Variants in KLHL13 observed in about 807,000 individuals in gnomAD.
KLHL13 encodes kelch like family member 13, also known as kelch-like protein 13.
KLHL13 carries 10 observed loss-of-function variants against 37.1 expected under a neutral mutation model. The observed-to-expected ratio is 0.27, with a 90% CI of 0.17 to 0.46. The LOEUF (loss-of-function observed/expected upper bound fraction) is 0.46, where lower values mean the gene tolerates loss of function less well. Ranked by LOEUF, KLHL13 falls within the 20% of genes least tolerant of loss-of-function variation. The pLI, the probability that KLHL13 is intolerant of heterozygous loss-of-function variation, is 1.00. For missense variants in KLHL13, 360 were observed against 509.3 expected (o/e 0.71, Z 2.82); for synonymous variants, 163 against 181.2 (o/e 0.90, Z 0.81).
At position 118,049,782 on chromosome X, in the gene KLHL13, A is replaced by G. The variant is rs780849616; in HGVS notation, c.-56+66726T>C. Among the ~76,000 whole-genome samples, 10 of 111,861 alleles carry G rather than the reference A, an allele frequency of 8.9e-5. No homozygotes were observed. In the East Asian group the frequency reaches 2.3e-3, roughly 25 times the overall value. On this transcript the variant is annotated intron_variant, in intron 1 of 6. Coordinates refer to the KLHL13 transcript ENST00000371882. ...TATGCTACAACTAGGGGGTCCAGAG[A>G]GGTATGTTCACAGCTACTTTTAGGT...
chrX:118,002,021 G>A (rs777510208), intron 1 of KLHL13, among the ~76,000 whole-genome samples: 5 of 110,959 alleles, frequency 4.5e-5, no homozygotes, highest in Non-Finnish European at 5.7e-5. Context: ...AATTCTATCC[G>A]AACAGATACT....
intron 1 of KLHL13, among the ~76,000 whole-genome samples, chrX:118,045,703 G>A (rs780966659): frequency 9.0e-6 from 1 of 110,816 alleles, no homozygotes; most frequent in South Asian, 3.9e-4. Flanking sequence ...CAGCTACTCA[G>A]GAAGCTGACA....
intron 1 of KLHL13, chrX:117,983,600 T>C: frequency 2.5e-6 from 2 of 785,421 alleles, no homozygotes; most frequent in South Asian, 2.4e-5. Context: ...TTATATTTAG[T>C]TCAAATTTTT....
intron 1 of KLHL13, among the ~76,000 whole-genome samples, chrX:118,032,922 G>C (rs1010567117): frequency 2.7e-5 from 3 of 111,792 alleles, no homozygotes; most frequent in Non-Finnish European, 3.8e-5. Context: ...GAAAACCAAG[G>C]CTTGAGAACT....
chrX:118,016,331 T>A (rs974088004), intron 1 of KLHL13, among the ~76,000 whole-genome samples: 34 of 111,335 alleles, frequency 3.1e-4, no homozygotes, highest in African/African-American at 8.5e-4. Flanking sequence ...AGTACAAAAG[T>A]CTGGGCTTAT....
At chrX:118,073,030 G>T (rs1433534595) in intron 1 of KLHL13, among the ~76,000 whole-genome samples, 1 of 108,834 alleles carries the variant, frequency 9.2e-6, no homozygotes, top group Non-Finnish European at 1.9e-5. Context: ...GGAGGTCAAG[G>T]CTTCAGCGAA....
rs1201005678 is a variant in KLHL13 at position 118,025,182 on chromosome X, A to G, written c.-55-79607T>C. Among the ~76,000 whole-genome samples the G allele has an allele frequency of 2.7e-5, 3 of 111,526 alleles. No individual in the cohort carries two copies. In the Admixed American group the frequency reaches 2.9e-4, roughly 11 times the overall value. On this transcript the variant is annotated intron_variant, in intron 1 of 6. Transcript: ENST00000371882. Reference sequence around the variant, plus strand: ...CTGTATCTGTGAGCAAGTCTGTTTTACAGCCCCTAAGCTGAATATTCCACC... The same window carrying G: ...CTGTATCTGTGAGCAAGTCTGTTTTGCAGCCCCTAAGCTGAATATTCCACC...
Position 118,008,694 on chromosome X carries a change from T to C in KLHL13, c.-55-63119A>G, listed in dbSNP as rs182668348. ...GGCAAAACCCTTGTCCTCAGGGAGT[T>C]TGCATTCCAGGGAAGGAAAAAGACT... On this transcript the variant is annotated intron_variant, in intron 1 of 6. Coordinates refer to the KLHL13 transcript ENST00000371882. 7.2e-5 allele frequency among the ~76,000 whole-genome samples: 8 copies of C among 111,354 alleles called. No individual in the cohort carries two copies. In the East Asian group the frequency reaches 1.7e-3, roughly 24 times the overall value.
intron 1 of KLHL13, among the ~76,000 whole-genome samples, chrX:118,081,672 T>C (rs1280695437): frequency 9.0e-6 from 1 of 111,443 alleles, no homozygotes; most frequent in African/African-American, 3.3e-5. Context: ...ATTGTGCTAT[T>C]AAACACTAGA....
chrX:118,068,222 G>C (rs1223032920), intron 1 of KLHL13, among the ~76,000 whole-genome samples: 5 of 111,743 alleles, frequency 4.5e-5, no homozygotes, highest in African/African-American at 1.6e-4. Context: ...ATTTCTGTTG[G>C]ATCCAGCCTT....
chrX:117,940,057 G>T (rs971956073), intron 2 of KLHL13, among the ~76,000 whole-genome samples: 1 of 111,807 alleles, frequency 8.9e-6, no homozygotes, highest in Non-Finnish European at 1.9e-5. Context: ...TTTTCTTCCA[G>T]GGTTTTTATG....
At position 118,035,107 on chromosome X, in the gene KLHL13, A is replaced by G. The variant is rs1256170904; in HGVS notation, c.-56+81401T>C. ...AAATTGTGGCAATAATCAATGGTTT[A>G]CCAACCAAAAAGAGTCCAGGACCAG... On this transcript the variant is annotated intron_variant, in intron 1 of 6. Transcript: ENST00000371882. 5.8e-5 allele frequency among the ~76,000 whole-genome samples: 6 copies of G among 104,114 alleles called. No homozygotes were observed. In the East Asian group the frequency reaches 1.7e-3, roughly 29 times the overall value. The allele number at this position is 104,114 out of a possible 115,157, so 90.4% of individuals were successfully genotyped here.
intron 1 of KLHL13, among the ~76,000 whole-genome samples, chrX:117,984,259 C>A (rs182947250): frequency 3.6e-5 from 4 of 111,590 alleles, no homozygotes; most frequent in African/African-American, 1.3e-4. Flanking sequence ...AGAAGCACTA[C>A]AGTATAGGCT....
At position 117,946,823 on chromosome X, in the gene KLHL13, A is replaced by T. The variant is rs1310668083; in HGVS notation, c.99-1248T>A. On this transcript the variant is annotated intron_variant, in intron 1 of 6. Transcript: ENST00000262820. ...AACCCCAAGTTGATCAGTTTTAACA[A>T]GAAAAAGACCATACTAAAGATTCTG... The T allele has an allele frequency of 2.7e-5, 3 of 112,211 alleles. No homozygotes were observed. The East Asian group carries it at 8.4e-4, about 31-fold the overall frequency. The allele number at this position is 112,211 out of a possible 1,213,427, so 9.2% of individuals were successfully genotyped here.
chrX:117,937,575 G>A (rs1256049301), intron 2 of KLHL13, among the ~76,000 whole-genome samples: 2 of 111,236 alleles, frequency 1.8e-5, no homozygotes, highest in Non-Finnish European at 3.8e-5. Context: ...AAACATTATA[G>A]GATTTTACAG....
At chrX:117,964,564 A>T (rs868062010) in intron 1 of KLHL13, among the ~76,000 whole-genome samples, 28 of 111,445 alleles carry the variant, frequency 2.5e-4, no homozygotes, top group African/African-American at 8.5e-4. Context: ...TAAACTTAAT[A>T]TACAAGGTGA....
At chrX:117,985,926 G>A (rs1415277797) in intron 1 of KLHL13, among the ~76,000 whole-genome samples, 2 of 110,247 alleles carry the variant, frequency 1.8e-5, no homozygotes, top group Non-Finnish European at 1.9e-5. Flanking sequence ...TCTTCAATTT[G>A]TCAATCCCAT....
chrX:118,025,553 G>A (rs2054265840), intron 1 of KLHL13, among the ~76,000 whole-genome samples: 1 of 110,702 alleles, frequency 9.0e-6, no homozygotes, highest in African/African-American at 3.3e-5. Context: ...ACTTAATAAT[G>A]GCCCATAGTG....
chrX:117,977,221 A>G (rs770493844), upstream of KLHL13, among the ~76,000 whole-genome samples: 1 of 112,035 alleles, frequency 8.9e-6, no homozygotes, highest in Non-Finnish European at 1.9e-5. Context: ...GTGGGAGAAA[A>G]ACACCATAAA....
Sources: gnomAD v4.1 joint callset for allele counts (sites outside exome capture counted in the v4.1 genomes callset) on GRCh38, gnomAD v4.1.1 for gene constraint, MANE v1.5 for transcripts, NCBI Gene and HGNC (gene_info 2026-07-23, HGNC 2026-07-21) for gene names.